SREBF2: variants seen among roughly 807,000 people sequenced by gnomAD.
The protein encoded by SREBF2 is sterol regulatory element-binding protein 2.
SREBF2 carries 55 observed loss-of-function variants against 113.1 expected under a neutral mutation model. The observed-to-expected ratio is 0.49, with a 90% CI of 0.39 to 0.61. The LOEUF is 0.61. Among genes scored for constraint, SREBF2 ranks in the 20% least tolerant of loss-of-function variants. The pLI, the probability that SREBF2 is intolerant of heterozygous loss-of-function variation, is 0.00. For synonymous variants in SREBF2, 593 were observed against 605.7 expected (o/e 0.98, Z 0.31); for missense variants, 1,349 against 1,487.4 (o/e 0.91, Z 1.53).
Position 41,833,230 on chromosome 22 carries a change from T to A in SREBF2, c.-41T>A. ...CGACGGCACCGCCCCCGCGTCTCCC[T>A]GAGCGGGACGGCAGGGGGGGCTTCT... On this transcript the variant is annotated 5_prime_UTR_variant, in exon 1 of 19. It removes the in-frame stop codon of an upstream open reading frame in the 5' UTR. Coordinates refer to ENST00000361204, the MANE Select transcript of SREBF2 (RefSeq NM_004599.4). The surrounding 1 kb of genome is among the most constrained non-coding windows in gnomAD (Gnocchi z 4.1). The A allele has an allele frequency of 1.3e-6, 2 of 1,491,170 alleles. No individual in the cohort carries two copies. The highest frequency in any genetic ancestry group is 1.3e-5 in the South Asian group (1 of 79,820). The allele number at this position is 1,491,170 out of a possible 1,614,324, so 92.4% of individuals were successfully genotyped here. A position where few individuals can be genotyped will look rare whatever the true frequency, so the allele number is the denominator to read the frequency against.
chr22:41,836,281 G>A (rs2076773934), intron 1 of SREBF2, among the ~76,000 whole-genome samples: 1 of 152,232 alleles, frequency 6.6e-6, no homozygotes, highest in Non-Finnish European at 1.5e-5. Flanking sequence ...TGAGCTGTAA[G>A]GAATCGTGAA....
At chr22:41,891,232 A>G (rs1460376880) in intron 11 of SREBF2, 1 of 152,170 alleles carries the variant, frequency 6.6e-6, no homozygotes, top group African/African-American at 2.4e-5. Context: ...CTCAACTGCT[A>G]TTCTCCCACC....
chr22:41,887,766 G>A (rs1326841310), intron 11 of SREBF2, among the ~76,000 whole-genome samples: 1 of 152,074 alleles, frequency 6.6e-6, no homozygotes, highest in Non-Finnish European at 1.5e-5. Flanking sequence ...CCAAATTGTT[G>A]GCCATTCTCC....
intron 1 of SREBF2, among the ~76,000 whole-genome samples, chr22:41,866,196 C>T (rs2077072829): frequency 6.6e-6 from 1 of 152,168 alleles, no homozygotes; most frequent in Non-Finnish European, 1.5e-5. Flanking sequence ...CCCTTGGTAC[C>T]TTCGACAGAA....
intron 16 of SREBF2, among the ~76,000 whole-genome samples, 154 bp from the exon 17 acceptor site, chr22:41,902,816 T>A (rs888076310): frequency 6.6e-6 from 1 of 152,206 alleles, no homozygotes; most frequent in East Asian, 1.9e-4. Flanking sequence ...AGCTGTTCCC[T>A]CACGTCCTGC....
chr22:41,835,557 A>G (rs930775520), intron 1 of SREBF2, among the ~76,000 whole-genome samples: 3 of 151,722 alleles, frequency 2.0e-5, no homozygotes, highest in Non-Finnish European at 2.9e-5. Context: ...TGATCCGCCC[A>G]CCTTGGCCTC....
At chr22:41,885,076 T>TG in intron 11 of SREBF2, 65 bp downstream of exon 11, 1 of 1,588,766 alleles carries the variant, frequency 6.3e-7, no homozygotes, top group Non-Finnish European at 8.6e-7. Flanking sequence ...GGAGTTAAGA[T>TG]GCAGAAGCAG....
chr22:41,896,106 A>G (rs569310849), intron 13 of SREBF2, among the ~76,000 whole-genome samples: 105 of 151,074 alleles, frequency 7.0e-4, no homozygotes, highest in African/African-American at 2.4e-3. Context: ...GCGCCACTGC[A>G]CTCCAGCCTG....
intron 17 of SREBF2, among the ~76,000 whole-genome samples, chr22:41,903,823 G>GC (rs1418196616): frequency 6.6e-6 from 1 of 152,158 alleles, no homozygotes; most frequent in African/African-American, 2.4e-5. Context: ...TTGGGATTCA[G>GC]CCCCCACACC....
At chr22:41,870,764 A>T in intron 3 of SREBF2, 125 bp from the exon 4 acceptor site, 1 of 1,327,446 alleles carries the variant, frequency 7.5e-7, no homozygotes, top group South Asian at 1.3e-5. Context: ...TCATTTTTTT[A>T]TTCTCAATTT....
rs919103081 is a variant in SREBF2, at chr22:41,881,887, C to T, written c.2038+895C>T. Among the ~76,000 whole-genome samples, 4 of 151,986 alleles carry T rather than the reference C, an allele frequency of 2.6e-5. No individual in the cohort carries two copies. In the East Asian group the frequency reaches 5.8e-4, roughly 22 times the overall value. On this transcript the variant is annotated intron_variant, in intron 10 of 18. Coordinates refer to ENST00000361204, the MANE Select transcript of SREBF2 (RefSeq NM_004599.4). ...AGGAGTTCGAGACCAGCCTGGACAA[C>T]GTGGCAAAACCCCATTTCTACAAAA... is the stretch of plus-strand genomic sequence containing the variant.
At chr22:41,877,880 C>T in intron 8 of SREBF2, 62 bp from the exon 9 acceptor site, 2 of 1,570,974 alleles carry the variant, frequency 1.3e-6, no homozygotes, top group Non-Finnish European at 1.8e-6. Context: ...TGGGGTCTGT[C>T]AGGTGCCTGG....
chr22:41,860,095 G>A (rs924483562), intron 1 of SREBF2, among the ~76,000 whole-genome samples: 6 of 151,910 alleles, frequency 3.9e-5, no homozygotes, highest in East Asian at 1.9e-4. Context: ...GTGAGCCACC[G>A]CGCCAGGCCG....
intron 1 of SREBF2, among the ~76,000 whole-genome samples, chr22:41,848,663 G>GC (rs2076900282): frequency 6.6e-6 from 1 of 152,120 alleles, no homozygotes; most frequent in African/African-American, 2.4e-5. Flanking sequence ...AACTTGTGGA[G>GC]CAGGGTGCTT....
intron 7 of SREBF2, among the ~76,000 whole-genome samples, chr22:41,876,412 T>G: frequency 6.6e-6 from 1 of 152,232 alleles, no homozygotes; most frequent in Non-Finnish European, 1.5e-5. Context: ...TGAAATATTC[T>G]TATAAATGTG....
In SREBF2 at chr22:41,880,797, C is replaced by A; in HGVS notation, c.1843C>A (p.Leu615Met). 1 of 1,614,182 alleles carries A rather than the reference C, an allele frequency of 6.2e-7. No homozygotes were observed. The highest frequency in any genetic ancestry group is 8.5e-7 in the Non-Finnish European group (1 of 1,180,036). The stretch of plus-strand genomic sequence containing the variant: ...GGCACTGCCCACCTCCCGCCTGGAC[C>A]TGGCCTGCAGCCTCTCCTGGAACGT... ...GRALPTSRLDLACSLSWNVIR... is the reference protein window; with the variant it reads ...GRALPTSRLDMACSLSWNVIR... Residue 615 changes from leucine (L) to methionine (M), a missense_variant, in exon 10 of 19, where the codon CTG (leucine) becomes ATG (methionine). This residue lies in a region of SREBF2 where 699 missense variants were observed against 843.3 expected (regional missense o/e 0.83). Coordinates refer to ENST00000361204, the MANE Select transcript of SREBF2 (RefSeq NM_004599.4).
intron 16 of SREBF2, chr22:41,900,794 G>A: frequency 1.9e-6 from 1 of 533,232 alleles, no homozygotes; most frequent in South Asian, 1.6e-5. Flanking sequence ...CTGGCCAGGG[G>A]TTCACCTGCA....
intron 8 of SREBF2, 52 bp from the exon 9 acceptor site, chr22:41,877,890 G>GC: frequency 6.2e-7 from 1 of 1,603,900 alleles, no homozygotes; most frequent in South Asian, 1.1e-5. Context: ...CAGGTGCCTG[G>GC]CTGCTCCGCA....
intron 1 of SREBF2, chr22:41,834,451 G>C (rs2076749829): frequency 6.5e-6 from 1 of 152,692 alleles, no homozygotes; most frequent in Non-Finnish European, 1.5e-5. Context: ...ACCTTAGAGA[G>C]CTTAGGCAGA....
Sources: gnomAD v4.1 joint callset for allele counts (sites outside exome capture counted in the v4.1 genomes callset) on GRCh38, gnomAD v4.1.1 for gene constraint, gnomAD v4.1.1 regional missense constraint, Gnocchi (gnomAD v3.1) non-coding constraint, MANE v1.5 for transcripts, NCBI Gene and HGNC (gene_info 2026-07-23, HGNC 2026-07-21) for gene names.